RAB1A: variants seen among roughly 807,000 people sequenced by gnomAD.
The protein encoded by RAB1A is RAB1A, member RAS oncogene family.
Under a neutral mutation model 26.0 loss-of-function variants are expected in RAB1A, and 2 were observed. The observed-to-expected ratio is 0.08, with a 90% confidence interval of 0.03 to 0.24. The LOEUF (loss-of-function observed/expected upper bound fraction) is 0.24. Ranked by LOEUF, RAB1A falls within the 10% of genes least tolerant of loss-of-function variation. RAB1A has a pLI of 1.00. For synonymous variants in RAB1A, 84 were observed against 84.9 expected, an observed-to-expected ratio of 0.99 and a Z score of 0.06; for missense variants, 100 against 247.0, an observed-to-expected ratio of 0.40 and a Z score of 3.99.
chr2:65,095,554 T>C (rs944490943), intron 3 of RAB1A, among the ~76,000 whole-genome samples: 1 of 146,540 alleles, frequency 6.8e-6, no homozygotes, highest in Non-Finnish European at 1.5e-5. Flanking sequence ...AGAGTCTCTA[T>C]GTTGACCAGG....
chr2:65,100,012 T>C (rs1331208045), intron 2 of RAB1A, among the ~76,000 whole-genome samples: 3 of 152,156 alleles, frequency 2.0e-5, no homozygotes, highest in Non-Finnish European at 4.4e-5. Flanking sequence ...AGATAAGGTA[T>C]AAAACTCTAG....
intron 1 of RAB1A, among the ~76,000 whole-genome samples, chr2:65,111,538 T>C (rs1432916453): frequency 2.2e-4 from 34 of 152,144 alleles, no homozygotes; most frequent in Non-Finnish European, 8.8e-5. Context: ...TACAATATGG[T>C]ATACTGAATT....
chr2:65,103,917 T>A (rs985772749), intron 2 of RAB1A, among the ~76,000 whole-genome samples: 4 of 152,176 alleles, frequency 2.6e-5, no homozygotes, highest in African/African-American at 9.7e-5. Flanking sequence ...TAGCTGGGAC[T>A]ACAGGCGTGT....
intron 1 of RAB1A, among the ~76,000 whole-genome samples, chr2:65,121,371 C>T (rs1443047841): frequency 2.0e-5 from 3 of 152,148 alleles, no homozygotes; most frequent in East Asian, 1.9e-4. Context: ...TTTAACACTA[C>T]TTGTCCTAAT....
intron 1 of RAB1A, among the ~76,000 whole-genome samples, chr2:65,120,402 G>A (rs1390338513): frequency 7.4e-6 from 1 of 135,338 alleles, no homozygotes; most frequent in African/African-American, 2.8e-5. Context: ...GTTGCAGTGA[G>A]CCAAGATCAC....
chr2:65,101,317 A>G (rs574959753), intron 2 of RAB1A, among the ~76,000 whole-genome samples: 1 of 152,236 alleles, frequency 6.6e-6, no homozygotes, highest in East Asian at 1.9e-4. Flanking sequence ...TTCATCCTTC[A>G]GTTTTGAGCT....
intron 2 of RAB1A, among the ~76,000 whole-genome samples, chr2:65,102,583 T>C (rs116280323): frequency 6.0e-5 from 9 of 150,722 alleles, no homozygotes; most frequent in African/African-American, 1.2e-4. Flanking sequence ...ATCTGTCAAA[T>C]AGCCAATTCT....
chr2:65,090,887 T>C (rs34486588), intron 4 of RAB1A, 96 bp downstream of exon 4: 14,650 of 703,798 alleles, frequency 0.021, 207 homozygotes, highest in Non-Finnish European at 0.026. Context: ...AAATTAATAC[T>C]GATGGCTTAT....
At chr2:65,097,413 A>G (rs1669314978) in intron 3 of RAB1A, among the ~76,000 whole-genome samples, 1 of 152,218 alleles carries the variant, frequency 6.6e-6, no homozygotes, top group Non-Finnish European at 1.5e-5. Flanking sequence ...CAGTAACTGT[A>G]GGCAAGTCAT....
chr2:65,121,529 C>T (rs1234385746), intron 1 of RAB1A, among the ~76,000 whole-genome samples: 1 of 152,088 alleles, frequency 6.6e-6, no homozygotes, highest in African/African-American at 2.4e-5. Flanking sequence ...TCTTCTGTAC[C>T]CTATCTCTCA....
At chr2:65,125,763 C>T (rs915140958) in intron 1 of RAB1A, among the ~76,000 whole-genome samples, 4 of 150,814 alleles carry the variant, frequency 2.7e-5, no homozygotes, top group East Asian at 3.9e-4. Context: ...TGCTTCAAAA[C>T]GTAGCTCAAA....
chr2:65,093,624 ATTTTT>A (rs57642294), intron 3 of RAB1A, among the ~76,000 whole-genome samples: 1 of 142,640 alleles, frequency 7.0e-6, no homozygotes, highest in Non-Finnish European at 1.5e-5. Context: ...TTGTGTTTAG[ATTTTT>A]TTTTTTTTTT....
chr2:65,120,363 G>A (rs2103877593), intron 1 of RAB1A, among the ~76,000 whole-genome samples: 1 of 150,600 alleles, frequency 6.6e-6, no homozygotes, highest in Non-Finnish European at 1.5e-5. Context: ...GGCTGAGGCA[G>A]GAGAATCACT....
At chr2:65,120,359 G>A (rs1206076250) in intron 1 of RAB1A, among the ~76,000 whole-genome samples, 2 of 151,154 alleles carry the variant, frequency 1.3e-5, no homozygotes, top group East Asian at 1.9e-4. Context: ...CAGAGGCTGA[G>A]GCAGGAGAAT....
intron 3 of RAB1A, among the ~76,000 whole-genome samples, chr2:65,092,286 AAG>A: frequency 6.6e-6 from 1 of 152,274 alleles, no homozygotes; most frequent in South Asian, 2.1e-4. Context: ...AAAAAAAAAA[AAG>A]AGGCTCAAAG....
At position 65,088,522 on chromosome 2, in the gene RAB1A, C is replaced by G. The variant is rs1360344882; in HGVS notation, c.589G>C (p.Val197Leu). 6.2e-7 allele frequency: 1 copy of G among 1,611,944 alleles called. No homozygotes were observed. The highest frequency in any genetic ancestry group is 1.3e-5 in the African/African-American group (1 of 75,010). ...KSNVKIQSTP[V>L]KQSGGGCC ...CAGCAACCTCCACCTGACTGCTTGACTGGAGTGCTCTGAATTTTAACATTG... is the reference window on the plus strand; with the variant it reads ...CAGCAACCTCCACCTGACTGCTTGAGTGGAGTGCTCTGAATTTTAACATTG... Residue 197 changes from valine to leucine, a missense_variant, in exon 6 of 6, where the codon GTC becomes CTC. By Grantham distance (32) the Val-to-Leu change is conservative. Around this residue, in one of 2 missense-constraint regions of RAB1A, gnomAD observed 67 missense variants for 122.9 expected, o/e 0.55. Coordinates refer to ENST00000409784, the MANE Select transcript of RAB1A (RefSeq NM_004161.5).
At chr2:65,104,972 T>G in intron 1 of RAB1A, 166 bp from the exon 2 acceptor site, 1 of 739,060 alleles carries the variant, frequency 1.4e-6, no homozygotes, top group Non-Finnish European at 2.5e-6. Flanking sequence ...ACAGCCCTTC[T>G]GACAGATCAC....
rs1159522600 is a variant in RAB1A at position 65,088,450 on chromosome 2, A to T, written c.*43T>A. Reference sequence around the variant, plus strand: ...CAATTTTGTTTTTTCACTTGGGTTCAGATTGCAAATTCATTGCTGTGAGAA... The same window carrying T: ...CAATTTTGTTTTTTCACTTGGGTTCTGATTGCAAATTCATTGCTGTGAGAA... On this transcript the variant is annotated 3_prime_UTR_variant, in exon 6 of 6. Transcript: ENST00000409784. 11 of 1,531,640 alleles carry T rather than the reference A, an allele frequency of 7.2e-6. No homozygotes were observed. The highest frequency in any genetic ancestry group is 7.9e-6 in the Non-Finnish European group (9 of 1,134,196). 94.9% of individuals were successfully genotyped at this position (1,531,640 alleles called of 1,614,324 possible).
chr2:65,102,644 A>T (rs1669457814), intron 2 of RAB1A, among the ~76,000 whole-genome samples: 1 of 139,322 alleles, frequency 7.2e-6, no homozygotes, highest in East Asian at 2.1e-4. Flanking sequence ...AAAAAAAAAA[A>T]TGTCCAGGTG....
Sources: allele counts gnomAD v4.1 joint callset (sites outside exome capture counted in the v4.1 genomes callset), GRCh38; gene constraint gnomAD v4.1.1; regional missense constraint gnomAD v4.1.1; transcripts MANE v1.5; gene names NCBI Gene and HGNC (gene_info 2026-07-23, HGNC 2026-07-21).